Variants in AGAP9 observed in about 807,000 individuals in gnomAD.
AGAP9 encodes arf-GAP with GTPase, ANK repeat and PH domain-containing protein 9.
Under a neutral mutation model 55.6 loss-of-function variants are expected in AGAP9, and 23 were observed. That is an observed-to-expected ratio of 0.41 (90% CI 0.30 to 0.59). The LOEUF is 0.59. Ranked by LOEUF, AGAP9 falls within the 20% of genes least tolerant of loss-of-function variation. AGAP9 has a pLI of 0.25. For missense variants in AGAP9, 309 were observed against 808.1 expected (o/e 0.38, Z 7.49); for synonymous variants, 120 against 305.0 (o/e 0.39, Z 6.32).
At position 47,504,413 on chromosome 10, in the gene AGAP9, G is replaced by T. The variant is rs1312705927; in HGVS notation, c.534-173C>A. On this transcript the variant is annotated intron_variant, in intron 6 of 7. Transcript: ENST00000452145. ...GGGTTTCCTGACTTCTTCTTTCTCA[G>T]CACATCATGGTCTGTACCGTGAAGC... 3.2e-5 allele frequency among the ~76,000 whole-genome samples: 4 copies of T among 125,718 alleles called. No homozygotes were observed. The East Asian group carries it at 1.3e-3, about 42-fold the overall frequency. 82.5% of individuals were successfully genotyped at this position (125,718 alleles called of 152,430 possible).
At chr10:47,510,931 AATTAATTTATTT>A (rs1840604676) in intron 4 of AGAP9, among the ~76,000 whole-genome samples, 2 of 129,920 alleles carry the variant, frequency 1.5e-5, no homozygotes, top group South Asian at 2.4e-4. Context: ...TTAATTAATT[AATTAATTTATTT>A]ATTTATTTAT....
chr10:47,504,012 C>CA (rs1213273715), intron 7 of AGAP9, among the ~76,000 whole-genome samples, 177 bp downstream of exon 7: 11 of 124,670 alleles, frequency 8.8e-5, no homozygotes, highest in African/African-American at 1.2e-4. Context: ...CACACTAGCT[C>CA]ACTAACTAAA....
chr10:47,519,481 A>G (rs1484417268), intron 3 of AGAP9, among the ~76,000 whole-genome samples: 101 of 126,712 alleles, frequency 8.0e-4, no homozygotes, highest in Middle Eastern at 4.0e-3. Flanking sequence ...AAAAAAAAAA[A>G]AAAAGAGTGT....
rs1387780822 is a variant in AGAP9 at position 47,509,866 on chromosome 10, A to G, written c.497+305T>C. On this transcript the variant is annotated intron_variant, in intron 5 of 7. Coordinates refer to ENST00000452145, the MANE Select transcript of AGAP9 (RefSeq NM_001190810.1). ...ATTTGGGCCTATGATGCATTGAAAA[A>G]CTAAGTTTCCACAAAAAACATTCAA... 2.6e-4 allele frequency among the ~76,000 whole-genome samples: 35 copies of G among 132,682 alleles called. 3 individuals are homozygous for G. The South Asian group carries it at 8.6e-3, about 33-fold the overall frequency. The allele number at this position is 132,682 out of a possible 152,430, so 87.0% of individuals were successfully genotyped here.
intron 4 of AGAP9, among the ~76,000 whole-genome samples, chr10:47,516,229 G>A (rs1840713487): frequency 1.3e-5 from 1 of 79,798 alleles, no homozygotes; most frequent in African/African-American, 5.4e-5. Context: ...CTCAAGAAGA[G>A]ATAGTCTGCA....
chr10:47,510,674 C>T (rs1840591797), intron 4 of AGAP9, among the ~76,000 whole-genome samples: 1 of 118,948 alleles, frequency 8.4e-6, no homozygotes, highest in Non-Finnish European at 1.7e-5. Flanking sequence ...ACTAAAAATA[C>T]AAAAAATTAG....
rs1405187271 is a variant in AGAP9, at chr10:47,502,992, G to A, written c.1137C>T (p.Pro379=). 41 of 1,562,054 alleles carry A rather than the reference G, an allele frequency of 2.6e-5. 5 individuals carry two copies. The highest frequency in any genetic ancestry group is 7.8e-5 in the African/African-American group (5 of 64,432). Residue 379 remains proline (P), a synonymous_variant, in exon 8 of 8, where the codon CCC becomes CCT. Coordinates refer to ENST00000452145, the MANE Select transcript of AGAP9 (RefSeq NM_001190810.1). The part of the protein sequence containing the change: ...TGLGDSICFS[P]GISSTTSPKL... ...TGGGGCTGGTGGTGCTGGAGATACC[G>A]GGGCTGAAGCATATGGAGTCACCCA...
chr10:47,509,057 T>C (rs1398545210), intron 5 of AGAP9, among the ~76,000 whole-genome samples: 5 of 135,554 alleles, frequency 3.7e-5, no homozygotes, highest in African/African-American at 1.5e-4. Flanking sequence ...TTCTCAAACT[T>C]GCTGGTGGCA....
Position 47,502,139 on chromosome 10 carries a change from T to G in AGAP9, c.*13A>C. 10 of 1,571,682 alleles carry G rather than the reference T, an allele frequency of 6.4e-6. 2 individuals are homozygous for G. The highest frequency in any genetic ancestry group is 7.8e-6 in the Non-Finnish European group (9 of 1,156,260). The stretch of plus-strand genomic sequence containing the variant: ...GTTGATGCACTCCTGGCTGGAGGCC[T>G]GCCGGGCGTAGGTCAGCGCTGTGTT... On this transcript the variant is annotated 3_prime_UTR_variant, in exon 8 of 8. Coordinates refer to ENST00000452145, the MANE Select transcript of AGAP9 (RefSeq NM_001190810.1).
rs1172269576 is a variant in AGAP9 at position 47,502,437 on chromosome 10, T to C, written c.1692A>G (p.Glu564=). ...PSIKSTREEK[E]WWIRSKYEEK... ...CCTCATATTTGGAACGGATCCACCA[T>C]TCCTTCTCTTCCCTCGTGGACTTTA... Residue 564 remains glutamate, a synonymous_variant, in exon 8 of 8, where the codon GAA becomes GAG. Coordinates refer to ENST00000452145, the MANE Select transcript of AGAP9 (RefSeq NM_001190810.1). 25 of 1,611,848 alleles carry C rather than the reference T, an allele frequency of 1.6e-5. No homozygotes were observed. Among genetic ancestry groups the C allele is most frequent in the Non-Finnish European group, 2.0e-5 (24 of 1,179,862 alleles).
Position 47,503,431 on chromosome 10 carries a change from A to C in AGAP9, c.698T>G (p.Val233Gly). 1.9e-6 allele frequency: 3 copies of C among 1,609,688 alleles called. No individual in the cohort carries two copies. Among genetic ancestry groups the C allele is most frequent in the African/African-American group, 2.8e-5 (2 of 72,162 alleles). The change falls in exon 8 of 8, where the codon GTT (valine) becomes GGT (glycine). Residue 233 changes from valine to glycine, a missense_variant. Transcript: ENST00000452145. ...STSQEDPQFS[V>G]PPTANTPTPV... ...GGTGGGTGTGTTGGCAGTGGGAGGA[A>C]CACTGAACTGAGGGTCCTCCTGGCT...
At position 47,510,939 on chromosome 10, in the gene AGAP9, T is replaced by TTA. The variant is rs1840605958; in HGVS notation, c.397-669_397-668insTA. On this transcript the variant is annotated intron_variant, in intron 4 of 7. Coordinates refer to ENST00000452145, the MANE Select transcript of AGAP9 (RefSeq NM_001190810.1). ...CTATTAATTAATTAATTAATTAATT[T>TTA]ATTTATTTATTTATTTATTTTTGAG... 8.1e-3 allele frequency among the ~76,000 whole-genome samples: 928 copies of TTA among 113,894 alleles called. 14 individuals are homozygous for TTA. Among genetic ancestry groups the TTA allele is most frequent in the Admixed American group, 0.011 (126 of 11,416 alleles). 74.7% of individuals were successfully genotyped at this position (113,894 alleles called of 152,430 possible). A position where few individuals can be genotyped will look rare whatever the true frequency, so the allele number is the denominator to read the frequency against.
chr10:47,518,660 CA>C (rs1840759446), intron 3 of AGAP9, among the ~76,000 whole-genome samples: 1 of 118,528 alleles, frequency 8.4e-6, no homozygotes, highest in South Asian at 2.8e-4. Context: ...GTGATCCACC[CA>C]CCTCAGCCTC....
chr10:47,506,615 C>A (rs1220170641), intron 6 of AGAP9, among the ~76,000 whole-genome samples: 2 of 139,942 alleles, frequency 1.4e-5, no homozygotes, highest in Non-Finnish European at 3.1e-5. Context: ...CAGGTGTGAA[C>A]CACTGCGCCC....
At chr10:47,515,819 A>C (rs1335033051) in intron 4 of AGAP9, among the ~76,000 whole-genome samples, 1 of 123,962 alleles carries the variant, frequency 8.1e-6, no homozygotes, top group Admixed American at 8.5e-5. Flanking sequence ...AGGTCTCCCA[A>C]ATGAAAAGCT....
chr10:47,510,951 T>A (rs1208196025), intron 4 of AGAP9, among the ~76,000 whole-genome samples: 3 of 134,112 alleles, frequency 2.2e-5, no homozygotes, highest in Admixed American at 7.7e-5. Context: ...TTTATTTATT[T>A]ATTTATTTTT....
rs1840576219 is a variant in AGAP9, at chr10:47,510,205, C to T, written c.463G>A (p.Ala155Thr). The part of the protein sequence containing the change: ...CSTIFLDDST[A>T]IQHYLTMTII... ...GTCATTGTAAGATAATGCTGGATGG[C>T]TGTGCTGTCATCAAGGAATATTGTC... Residue 155 changes from alanine (A) to threonine (T), a missense_variant, in exon 5 of 8, where the codon GCC (alanine) becomes ACC (threonine). Transcript: ENST00000452145. 3.5e-6 allele frequency: 5 copies of T among 1,435,618 alleles called. 1 individual carries two copies. Among genetic ancestry groups the T allele is most frequent in the Admixed American group, 4.0e-5 (2 of 49,730 alleles). The allele number at this position is 1,435,618 out of a possible 1,614,324, so 88.9% of individuals were successfully genotyped here. A position where few individuals can be genotyped will look rare whatever the true frequency, so the allele number is the denominator to read the frequency against.
At position 47,511,263 on chromosome 10, in the gene AGAP9, C is replaced by T. The variant is rs1373267653; in HGVS notation, c.397-992G>A. On this transcript the variant is annotated intron_variant, in intron 4 of 7. Transcript: ENST00000452145. ...CAGTCCTTCTATTATTTATTTACTACGATAAAATGTAGTGTATTAAATAAT... is the reference window on the plus strand; with the variant it reads ...CAGTCCTTCTATTATTTATTTACTATGATAAAATGTAGTGTATTAAATAAT... Among the ~76,000 whole-genome samples, 11 of 142,230 alleles carry T rather than the reference C, an allele frequency of 7.7e-5. 2 individuals are homozygous for T. Among genetic ancestry groups the T allele is most frequent in the South Asian group, 2.2e-4 (1 of 4,516 alleles). The allele number at this position is 142,230 out of a possible 152,430, so 93.3% of individuals were successfully genotyped here.
In AGAP9 at chr10:47,502,005, A is replaced by C; in HGVS notation, c.*147T>G. The C allele has an allele frequency of 7.4e-7, 1 of 1,354,602 alleles. No individual in the cohort carries two copies. The highest frequency in any genetic ancestry group is 1.0e-6 in the Non-Finnish European group (1 of 989,556). 83.9% of individuals were successfully genotyped at this position (1,354,602 alleles called of 1,614,324 possible). A position where few individuals can be genotyped will look rare whatever the true frequency, so the allele number is the denominator to read the frequency against. On this transcript the variant is annotated 3_prime_UTR_variant, in exon 8 of 8. Coordinates refer to ENST00000452145, the MANE Select transcript of AGAP9 (RefSeq NM_001190810.1). ...GCTGAATTTGTGATTTCCTTTTGAA[A>C]TTCTGAGTTATCCTTATTTTTCCCA...
Sources: gnomAD v4.1 joint callset for allele counts (sites outside exome capture counted in the v4.1 genomes callset) on GRCh38, gnomAD v4.1.1 for gene constraint, MANE v1.5 for transcripts, NCBI Gene and HGNC (gene_info 2026-07-23, HGNC 2026-07-21) for gene names.